Variants in PGAM4 observed in about 807,000 individuals in gnomAD.
The protein encoded by PGAM4 is phosphoglycerate mutase family member 4.
A neutral mutation model predicts 10.8 loss-of-function variants in PGAM4; 7 were observed. The ratio of observed to expected loss-of-function variants is 0.65; its 90% confidence interval spans 0.37 to 1.21. The LOEUF (loss-of-function observed/expected upper bound fraction) is 1.21. Among genes scored for constraint, PGAM4 ranks in the 50% most tolerant of loss-of-function variants. The probability of loss-of-function intolerance (pLI) is 0.02; values close to 1 mark genes in which losing one functional copy is unlikely to be tolerated. For missense variants in PGAM4, 146 were observed against 214.1 expected (o/e 0.68, Z 1.98); for synonymous variants, 55 against 90.3 (o/e 0.61, Z 2.22).
rs1557229154 is a variant in PGAM4 at position 77,968,977 on chromosome X, T to C, written c.662A>G (p.Asp221Gly). ...PTGIPIVYELDKNLKPIKPMQ... is the reference protein window; with the variant it reads ...PTGIPIVYELGKNLKPIKPMQ... ...GGGCTTGATAGGCTTCAAGTTCTTG[T>C]CCAATTCATAGACGATGGGAATACC... The change falls in exon 1 of 1, where the codon GAC (aspartate) becomes GGC (glycine). Residue 221 changes from aspartate to glycine, a missense_variant. By Grantham distance (94) the Asp-to-Gly change is moderately conservative. Transcript: ENST00000458128. 8.3e-7 allele frequency: 1 copy of C among 1,210,979 alleles called. No homozygotes were observed. The highest frequency in any genetic ancestry group is 1.1e-6 in the Non-Finnish European group (1 of 895,566).
In PGAM4 at chrX:77,969,051, A is replaced by G. The variant is rs375005569; in HGVS notation, c.588T>C (p.His196=). ...TAGCCTCTTCAGAGAGACCCTCCAC[A>G]TGCTTGGCAATGCCCTGGAGGCTGT... The part of the protein sequence containing the change: ...HGNSLQGIAK[H]VEGLSEEAIM... Residue 196 remains histidine (H), a synonymous_variant, in exon 1 of 1, where the codon CAT becomes CAC. Coordinates refer to ENST00000458128, the MANE Select transcript of PGAM4 (RefSeq NM_001029891.3). 25 of 1,210,062 alleles carry G rather than the reference A, an allele frequency of 2.1e-5. No homozygotes were observed. Among genetic ancestry groups the G allele is most frequent in the Non-Finnish European group, 2.7e-5 (24 of 895,238 alleles).
At position 77,969,603 on chromosome X, in the gene PGAM4, G is replaced by A. The variant is rs201946447; in HGVS notation, c.36C>T (p.Gly12=). 8.3e-7 allele frequency: 1 copy of A among 1,210,488 alleles called. No homozygotes were observed. The highest frequency in any genetic ancestry group is 1.7e-5 in the African/African-American group (1 of 57,423). ...AAYKLVLIRH[G]ESTWNLENRF... is the part of the protein sequence containing the mutation. ...GGTTCTCCAGGTTCCATGTGCTCTC[G>A]CCGTGCCGGATCAGCACCAGTTTGT... Residue 12 remains glycine, a synonymous_variant, in exon 1 of 1, where the codon GGC becomes GGT. Transcript: ENST00000458128.
Position 77,969,112 on chromosome X carries a change from T to C in PGAM4, c.527A>G (p.Lys176Arg), listed in dbSNP as rs2077527856. 1 of 1,210,067 alleles carries C rather than the reference T, an allele frequency of 8.3e-7. No individual in the cohort carries two copies. Among genetic ancestry groups the C allele is most frequent in the South Asian group, 1.8e-5 (1 of 56,843 alleles). ...FWNEEIVPQIKEGKRVLIAAH... is the reference protein window; with the variant it reads ...FWNEEIVPQIREGKRVLIAAH... ...TGCAATCAGTACACGTTTCCCCTCCTTGATCTGGGGAACTATTTCTTCATT... is the reference window on the plus strand; with the variant it reads ...TGCAATCAGTACACGTTTCCCCTCCCTGATCTGGGGAACTATTTCTTCATT... Residue 176 changes from lysine to arginine, a missense_variant, in exon 1 of 1, where the codon AAG becomes AGG. Coordinates refer to ENST00000458128, the MANE Select transcript of PGAM4 (RefSeq NM_001029891.3).
Position 77,969,564 on chromosome X carries a change from C to G in PGAM4, c.75G>C (p.Trp25Cys), listed in dbSNP as rs138178131. ...CCGCCGGGCTCAGATCGGCGTCGTA[C>G]CAGCAGCTGAAGCGGTTCTCCAGGT... ...TWNLENRFSC[W>C]YDADLSPAGH... The change falls in exon 1 of 1, where the codon TGG becomes TGC. Residue 25 changes from tryptophan (W) to cysteine (C), a missense_variant. Physicochemically the swap from Trp to Cys is radical, Grantham distance 215. Transcript: ENST00000458128. The G allele has an allele frequency of 1.1e-3, 1,274 of 1,210,526 alleles. 19 individuals carry two copies. In the East Asian group the frequency reaches 0.034, roughly 33 times the overall value.
At position 77,969,502 on chromosome X, in the gene PGAM4, C is replaced by G. The variant is rs782301078; in HGVS notation, c.137G>C (p.Arg46Pro). 3.3e-6 allele frequency: 4 copies of G among 1,210,606 alleles called. No homozygotes were observed. Among genetic ancestry groups the G allele is most frequent in the Non-Finnish European group, 4.5e-6 (4 of 895,400 alleles). ...EEAKRGGQAL[R>P]DAGYEFDICL... ...GATGTCAAACTCATAGCCAGCATCT[C>G]GTAGCGCCTGCCCGCCGCGCTTCGC... The change falls in exon 1 of 1, where the codon CGA becomes CCA. Residue 46 changes from arginine to proline, a missense_variant. Physicochemically the swap from Arg to Pro is moderately radical, Grantham distance 103. Transcript: ENST00000458128.
chrX:77,969,533 C>T lies in PGAM4; in HGVS notation c.106G>A (p.Glu36Lys), dbSNP rs1440539287. 1 of 1,211,338 alleles carries T rather than the reference C, an allele frequency of 8.3e-7. No individual in the cohort carries two copies. Among genetic ancestry groups the T allele is most frequent in the Non-Finnish European group, 1.1e-6 (1 of 895,531 alleles). The change falls in exon 1 of 1, where the codon GAG (glutamate) becomes AAG (lysine). Residue 36 changes from glutamate to lysine, a missense_variant. Glu to Lys is a moderately conservative substitution (Grantham distance 56). Transcript: ENST00000458128. ...GCCTGCCCGCCGCGCTTCGCCTCCT[C>T]GTGGCCCGCCGGGCTCAGATCGGCG... is the stretch of plus-strand genomic sequence containing the variant. ...YDADLSPAGH[E>K]EAKRGGQALR...
At position 77,968,150 on chromosome X, in the gene PGAM4, CA is replaced by C. The variant is rs1306469123; in HGVS notation, c.*723del. 9.1e-6 allele frequency among the ~76,000 whole-genome samples: 1 copy of C among 110,023 alleles called. No homozygotes were observed. Among genetic ancestry groups the C allele is most frequent in the African/African-American group, 3.3e-5 (1 of 30,218 alleles). On this transcript the variant is annotated 3_prime_UTR_variant, in exon 1 of 1. Transcript: ENST00000458128. Reference sequence around the variant, plus strand: ...AACAAGGCAGGAAGGGATTCTAATACACACACCAGGAAGCACTCCTGCCCCT... The same window carrying C: ...AACAAGGCAGGAAGGGATTCTAATACCACACCAGGAAGCACTCCTGCCCCT...
Position 77,968,195 on chromosome X carries a change from T to C in PGAM4, c.*679A>G, listed in dbSNP as rs2077521194. 9.0e-6 allele frequency among the ~76,000 whole-genome samples: 1 copy of C among 111,118 alleles called. No homozygotes were observed. On this transcript the variant is annotated 3_prime_UTR_variant, in exon 1 of 1. Transcript: ENST00000458128. Reference sequence around the variant, plus strand: ...TGCCCCTCAGAGGTCAAGGAGCTGATCCTATATTGGTATGAGGAATGGCTT... The same window carrying C: ...TGCCCCTCAGAGGTCAAGGAGCTGACCCTATATTGGTATGAGGAATGGCTT...
chrX:77,968,199 A>G lies in PGAM4; in HGVS notation c.*675T>C, dbSNP rs1318811406. The stretch of plus-strand genomic sequence containing the variant: ...CCTCAGAGGTCAAGGAGCTGATCCT[A>G]TATTGGTATGAGGAATGGCTTATTT... On this transcript the variant is annotated 3_prime_UTR_variant, in exon 1 of 1. Coordinates refer to ENST00000458128, the MANE Select transcript of PGAM4 (RefSeq NM_001029891.3). Among the ~76,000 whole-genome samples the G allele has an allele frequency of 9.0e-6, 1 of 111,190 alleles. No individual in the cohort carries two copies. Among genetic ancestry groups the G allele is most frequent in the Non-Finnish European group, 1.9e-5 (1 of 52,949 alleles).
In PGAM4 at chrX:77,968,770, G is replaced by T; in HGVS notation, c.*104C>A. On this transcript the variant is annotated 3_prime_UTR_variant, in exon 1 of 1. Transcript: ENST00000458128. ...GTCCCCATCTGCAGCTACAACTCAA[G>T]ATGTCTACAGATGTGGTCAGTGTGA... The T allele has an allele frequency of 9.5e-7, 1 of 1,050,138 alleles. No homozygotes were observed. Among genetic ancestry groups the T allele is most frequent in the Non-Finnish European group, 1.3e-6 (1 of 772,856 alleles). The allele number at this position is 1,050,138 out of a possible 1,213,427, so 86.5% of individuals were successfully genotyped here.
In PGAM4 at chrX:77,969,445, C is replaced by T. The variant is rs1557229307; in HGVS notation, c.194G>A (p.Arg65Gln). ...GGCATCTAGCACTGTCCAGAGGGTC[C>T]GGATCACTCTCTTCTGCACTGAGGT... ...CLTSVQKRVIRTLWTVLDAID... is the reference protein window; with the variant it reads ...CLTSVQKRVIQTLWTVLDAID... The change falls in exon 1 of 1, where the codon CGG (arginine) becomes CAG (glutamine). Residue 65 changes from arginine to glutamine, a missense_variant. Transcript: ENST00000458128. 7 of 1,208,546 alleles carry T rather than the reference C, an allele frequency of 5.8e-6. No individual in the cohort carries two copies. The highest frequency in any genetic ancestry group is 4.4e-5 in the Admixed American group (2 of 45,760).
In PGAM4 at chrX:77,968,315, T is replaced by A. The variant is rs1224029522; in HGVS notation, c.*559A>T. ...ATTATTAATATATACTATACTTTTT[T>A]AATAAAAGTAAATATAACACATAAC... On this transcript the variant is annotated 3_prime_UTR_variant, in exon 1 of 1. Coordinates refer to ENST00000458128, the MANE Select transcript of PGAM4 (RefSeq NM_001029891.3). 1.8e-5 allele frequency among the ~76,000 whole-genome samples: 2 copies of A among 112,342 alleles called. No individual in the cohort carries two copies. The highest frequency in any genetic ancestry group is 9.5e-5 in the Admixed American group (1 of 10,581).
rs1446565572 is a variant in PGAM4 at position 77,968,255 on chromosome X, C to T, written c.*619G>A. Reference sequence around the variant, plus strand: ...TGACCACATGTGGGACTATTTCAACCGCCACAAGAAACCCCAGAAGGGTTA... The same window carrying T: ...TGACCACATGTGGGACTATTTCAACTGCCACAAGAAACCCCAGAAGGGTTA... On this transcript the variant is annotated 3_prime_UTR_variant, in exon 1 of 1. Transcript: ENST00000458128. Among the ~76,000 whole-genome samples the T allele has an allele frequency of 6.3e-5, 7 of 111,657 alleles. No homozygotes were observed. Among genetic ancestry groups the T allele is most frequent in the African/African-American group, 1.6e-4 (5 of 30,697 alleles).
chrX:77,968,304 C>T lies in PGAM4; in HGVS notation c.*570G>A, dbSNP rs2077521734. 8.9e-6 allele frequency among the ~76,000 whole-genome samples: 1 copy of T among 112,297 alleles called. No individual in the cohort carries two copies. Among genetic ancestry groups the T allele is most frequent in the African/African-American group, 3.2e-5 (1 of 30,891 alleles). Reference sequence around the variant, plus strand: ...TATTGTTTTGTATTATTAATATATACTATACTTTTTTAATAAAAGTAAATA... The same window carrying T: ...TATTGTTTTGTATTATTAATATATATTATACTTTTTTAATAAAAGTAAATA... On this transcript the variant is annotated 3_prime_UTR_variant, in exon 1 of 1. Transcript: ENST00000458128.
At position 77,969,164 on chromosome X, in the gene PGAM4, T is replaced by C; in HGVS notation, c.475A>G (p.Thr159Ala). The change falls in exon 1 of 1, where the codon ACT becomes GCT. Residue 159 changes from threonine to alanine, a missense_variant. Coordinates refer to ENST00000458128, the MANE Select transcript of PGAM4 (RefSeq NM_001029891.3). ...CAGAAGGGCAGAGCTCTGGCAATAG[T>C]ATCCTTCGGACTCTCATAGGAGGGT... Reference protein sequence around the residue: ...QLPSYESPKDTIARALPFWNE... With the variant: ...QLPSYESPKDAIARALPFWNE... 1 of 1,211,700 alleles carries C rather than the reference T, an allele frequency of 8.3e-7. No individual in the cohort carries two copies. Among genetic ancestry groups the C allele is most frequent in the Non-Finnish European group, 1.1e-6 (1 of 895,460 alleles).
At position 77,968,797 on chromosome X, in the gene PGAM4, A is replaced by T; in HGVS notation, c.*77T>A. ...TGTCTACAGATGTGGTCAGTGTGAC[A>T]TGTGCAGGTGGGAGGGGCAGAGGGA... On this transcript the variant is annotated 3_prime_UTR_variant, in exon 1 of 1. Coordinates refer to ENST00000458128, the MANE Select transcript of PGAM4 (RefSeq NM_001029891.3). 8.6e-7 allele frequency: 1 copy of T among 1,169,465 alleles called. No homozygotes were observed. The highest frequency in any genetic ancestry group is 1.2e-6 in the Non-Finnish European group (1 of 862,759).
chrX:77,969,407 A>C lies in PGAM4; in HGVS notation c.232T>G (p.Trp78Gly), dbSNP rs2077531426. ...WTVLDAIDQM[W>G]LPVVRTWRLN... ...CGCCAAGTCCTCACCACTGGCAGCC[A>C]CATCTGATCAATGGCATCTAGCACT... Residue 78 changes from tryptophan to glycine, a missense_variant, in exon 1 of 1, where the codon TGG becomes GGG. Trp to Gly is a radical substitution (Grantham distance 184). Transcript: ENST00000458128. The C allele has an allele frequency of 8.3e-7, 1 of 1,208,571 alleles. No homozygotes were observed. Among genetic ancestry groups the C allele is most frequent in the African/African-American group, 1.7e-5 (1 of 57,217 alleles).
rs781884744 is a variant in PGAM4, at chrX:77,968,981, A to T, written c.658T>A (p.Leu220Met). The T allele has an allele frequency of 8.3e-7, 1 of 1,210,824 alleles. No homozygotes were observed. Among genetic ancestry groups the T allele is most frequent in the African/African-American group, 1.7e-5 (1 of 57,734 alleles). The change falls in exon 1 of 1, where the codon TTG (leucine) becomes ATG (methionine). Residue 220 changes from leucine to methionine, a missense_variant. Transcript: ENST00000458128. Reference protein sequence around the residue: ...LPTGIPIVYELDKNLKPIKPM... With the variant: ...LPTGIPIVYEMDKNLKPIKPM... ...TTGATAGGCTTCAAGTTCTTGTCCA[A>T]TTCATAGACGATGGGAATACCAGTC... is the stretch of plus-strand genomic sequence containing the variant.
Position 77,969,606 on chromosome X carries a change from G to A in PGAM4, c.33C>T (p.His11=), listed in dbSNP as rs1557229378. 4.1e-6 allele frequency: 5 copies of A among 1,210,460 alleles called. No homozygotes were observed. Among genetic ancestry groups the A allele is most frequent in the Admixed American group, 4.4e-5 (2 of 45,827 alleles). Residue 11 remains histidine, a synonymous_variant, in exon 1 of 1, where the codon CAC becomes CAT. Coordinates refer to ENST00000458128, the MANE Select transcript of PGAM4 (RefSeq NM_001029891.3). MAAYKLVLIR[H]GESTWNLENR... is the part of the protein sequence containing the mutation. ...TCTCCAGGTTCCATGTGCTCTCGCC[G>A]TGCCGGATCAGCACCAGTTTGTAGG...
Sources: gnomAD v4.1 joint callset for allele counts (sites outside exome capture counted in the v4.1 genomes callset) on GRCh38, gnomAD v4.1.1 for gene constraint, MANE v1.5 for transcripts, NCBI Gene and HGNC (gene_info 2026-07-23, HGNC 2026-07-21) for gene names.